KCNH5: variants seen among roughly 807,000 people sequenced by gnomAD.
KCNH5 encodes voltage-gated delayed rectifier potassium channel KCNH5.
KCNH5 carries 46 observed loss-of-function variants against 96.1 expected under a neutral mutation model. The ratio of observed to expected loss-of-function variants is 0.48; its 90% CI spans 0.38 to 0.61. KCNH5 has a LOEUF of 0.61. Ranked by LOEUF, KCNH5 falls within the 20% of genes least tolerant of loss-of-function variation. The pLI is 0.00. For missense variants in KCNH5, 907 were observed against 1,225.8 expected (o/e 0.74, Z 3.88); for synonymous variants, 439 against 449.8 (o/e 0.98, Z 0.30).
chr14:63,032,640 A>C (rs554967341), intron 1 of KCNH5, among the ~76,000 whole-genome samples: 11 of 152,192 alleles, frequency 7.2e-5, no homozygotes, highest in South Asian at 2.1e-4. Flanking sequence ...TTAGTTTCTT[A>C]TCCAAATCAG....
In KCNH5 at chr14:62,951,962, CA is replaced by C. The variant is rs36114434; in HGVS notation, c.943-1404del. Among the ~76,000 whole-genome samples, 438 of 105,500 alleles carry C rather than the reference CA, an allele frequency of 4.2e-3. 4 individuals are homozygous for C. The highest frequency in any genetic ancestry group is 0.012 in the African/African-American group (295 of 25,158). 69.2% of individuals were successfully genotyped at this position (105,500 alleles called of 152,430 possible). On this transcript the variant is annotated intron_variant, in intron 6 of 10. Transcript: ENST00000322893. The stretch of plus-strand genomic sequence containing the variant: ...TGGGTAACAGAGCGAGACTCCGTCT[CA>C]AAAAAAAAAAAAAAAAAAAGTAAAC...
rs187626520 is a variant in KCNH5 at position 62,700,775 on chromosome 14, G to T, written c.*6733C>A. On this transcript the variant is annotated 3_prime_UTR_variant, in exon 11 of 11. Transcript: ENST00000322893. Reference sequence around the variant, plus strand: ...CTTGGCTTCATCAGGAATCTTTCCCGCTATAATTTGGTTGAAAAAGTTGAG... The same window carrying T: ...CTTGGCTTCATCAGGAATCTTTCCCTCTATAATTTGGTTGAAAAAGTTGAG... 1.3e-5 allele frequency: 2 copies of T among 152,026 alleles called. No individual in the cohort carries two copies. The highest frequency in any genetic ancestry group is 3.9e-4 in the East Asian group (2 of 5,178). The allele number at this position is 152,026 out of a possible 1,614,324, so 9.4% of individuals were successfully genotyped here. A position where few individuals can be genotyped will look rare whatever the true frequency, so the allele number is the denominator to read the frequency against.
At chr14:63,016,701 C>G in intron 2 of KCNH5, 130 bp downstream of exon 2, 1 of 857,472 alleles carries the variant, frequency 1.2e-6, no homozygotes, top group Non-Finnish European at 1.7e-6. Context: ...AATTTAGTCT[C>G]CCTAATATTC....
intron 7 of KCNH5, among the ~76,000 whole-genome samples, chr14:62,883,357 T>C (rs947027293): frequency 6.6e-6 from 1 of 152,194 alleles, no homozygotes; most frequent in African/African-American, 2.4e-5. Context: ...GCAATGATTT[T>C]ACTTGAAATA....
chr14:62,945,303 C>T (rs1347136731), intron 7 of KCNH5, among the ~76,000 whole-genome samples: 1 of 152,130 alleles, frequency 6.6e-6, no homozygotes, highest in South Asian at 2.1e-4. Context: ...ACTACACCCC[C>T]AAAGGAAGAC....
chr14:62,772,946 T>A (rs975649544), intron 10 of KCNH5, among the ~76,000 whole-genome samples: 1 of 152,232 alleles, frequency 6.6e-6, no homozygotes, highest in Non-Finnish European at 1.5e-5. Flanking sequence ...CACTGCTTAT[T>A]GCTTGTTTTG....
chr14:62,920,243 A>G (rs1387607620), intron 7 of KCNH5, among the ~76,000 whole-genome samples: 1 of 152,084 alleles, frequency 6.6e-6, no homozygotes, highest in African/African-American at 2.4e-5. Flanking sequence ...GGTCATGGAG[A>G]GAAAATAGCC....
At chr14:62,805,656 C>T (rs778495626) in intron 8 of KCNH5, among the ~76,000 whole-genome samples, 4 of 152,168 alleles carry the variant, frequency 2.6e-5, no homozygotes, top group Non-Finnish European at 5.9e-5. Flanking sequence ...TCTCACTTTC[C>T]ATGTATTCTG....
rs1038877471 is a variant in KCNH5, at chr14:62,699,983, C to G, written c.*7525G>C. On this transcript the variant is annotated 3_prime_UTR_variant, in exon 11 of 11. Transcript: ENST00000322893. ...GAATCAATTATTTCTGGTGAATTAACCCTTAAAGGCAGAGGCATTTTTAAT... is the reference window on the plus strand; with the variant it reads ...GAATCAATTATTTCTGGTGAATTAAGCCTTAAAGGCAGAGGCATTTTTAAT... 2 of 152,144 alleles carry G rather than the reference C, an allele frequency of 1.3e-5. No individual in the cohort carries two copies. The highest frequency in any genetic ancestry group is 4.8e-5 in the African/African-American group (2 of 41,430). The allele number at this position is 152,144 out of a possible 1,614,324, so 9.4% of individuals were successfully genotyped here. A position where few individuals can be genotyped will look rare whatever the true frequency, so the allele number is the denominator to read the frequency against.
chr14:62,815,180 G>T (rs1886952879), intron 8 of KCNH5, among the ~76,000 whole-genome samples: 1 of 152,130 alleles, frequency 6.6e-6, no homozygotes, highest in Admixed American at 6.6e-5. Context: ...AAAAGAGCTT[G>T]ATACAAAAGA....
At chr14:62,712,841 T>C (rs1595589876) in intron 10 of KCNH5, 2 of 691,052 alleles carry the variant, frequency 2.9e-6, no homozygotes, top group African/African-American at 3.6e-5. Context: ...GCAGAGCCAG[T>C]AGGCTTAAAC....
rs975916696 is a variant in KCNH5 at position 62,805,504 on chromosome 14, G to C, written c.1570-2923C>G. ...TTCTCCAACCTTAGACAGAGCATGT[G>C]TGTTACATGATGTTTTTGTCATCAA... is the stretch of plus-strand genomic sequence containing the variant. On this transcript the variant is annotated intron_variant, in intron 8 of 10. Coordinates refer to ENST00000322893, the MANE Select transcript of KCNH5 (RefSeq NM_139318.5). 5.6e-4 allele frequency among the ~76,000 whole-genome samples: 85 copies of C among 152,132 alleles called. 1 individual carries two copies. Among genetic ancestry groups the C allele is most frequent in the African/African-American group, 2.0e-3 (83 of 41,428 alleles).
chr14:62,995,419 T>C (rs1890888852), intron 4 of KCNH5, among the ~76,000 whole-genome samples: 1 of 152,112 alleles, frequency 6.6e-6, no homozygotes, highest in Admixed American at 6.6e-5. Context: ...CAAACACCCT[T>C]GTAAACATCC....
In KCNH5 at chr14:62,705,598, TAAAG is replaced by T. The variant is rs1207135357; in HGVS notation, c.*1906_*1909del. The T allele has an allele frequency of 6.6e-6, 1 of 151,930 alleles. No individual in the cohort carries two copies. Among genetic ancestry groups the T allele is most frequent in the African/African-American group, 2.4e-5 (1 of 41,396 alleles). 9.4% of individuals were successfully genotyped at this position (151,930 alleles called of 1,614,324 possible). A position where few individuals can be genotyped will look rare whatever the true frequency, so the allele number is the denominator to read the frequency against. On this transcript the variant is annotated 3_prime_UTR_variant, in exon 11 of 11. Coordinates refer to ENST00000322893, the MANE Select transcript of KCNH5 (RefSeq NM_139318.5). ...TTATGGTTAATGGAAGTTATACGCATAAAGAAAGGAAAATGGAGCCCATGGCTCA... is the reference window on the plus strand; with the variant it reads ...TTATGGTTAATGGAAGTTATACGCATAAAGGAAAATGGAGCCCATGGCTCA...
intron 7 of KCNH5, among the ~76,000 whole-genome samples, chr14:62,910,365 G>C (rs1889125946): frequency 6.6e-6 from 1 of 152,074 alleles, no homozygotes; most frequent in Admixed American, 6.5e-5. Context: ...TTTACGGGGT[G>C]TCCTAGAAAT....
At chr14:62,877,987 C>T (rs1888410803) in intron 7 of KCNH5, among the ~76,000 whole-genome samples, 1 of 151,766 alleles carries the variant, frequency 6.6e-6, no homozygotes, top group African/African-American at 2.4e-5. Context: ...AAATGTGGCA[C>T]ATATACACCA....
intron 7 of KCNH5, among the ~76,000 whole-genome samples, chr14:62,896,571 C>G (rs1449983970): frequency 6.6e-6 from 1 of 152,168 alleles, no homozygotes; most frequent in African/African-American, 2.4e-5. Flanking sequence ...ATTCACGGTT[C>G]AGTTTTACAA....
intron 8 of KCNH5, among the ~76,000 whole-genome samples, chr14:62,817,881 C>CATAAAT (rs58893325): frequency 1.9e-4 from 27 of 141,000 alleles, no homozygotes; most frequent in East Asian, 1.4e-3. Context: ...ATATAATAGC[C>CATAAAT]ATAAATATAA....
intron 9 of KCNH5, among the ~76,000 whole-genome samples, chr14:62,796,140 T>G (rs758989980): frequency 2.0e-5 from 3 of 152,154 alleles, no homozygotes; most frequent in Non-Finnish European, 4.4e-5. Context: ...CTGGAAATAC[T>G]AATGAGGAGA....
Sources: gnomAD v4.1 joint callset for allele counts (sites outside exome capture counted in the v4.1 genomes callset) on GRCh38, gnomAD v4.1.1 for gene constraint, MANE v1.5 for transcripts, NCBI Gene and HGNC (gene_info 2026-07-23, HGNC 2026-07-21) for gene names.